Variants in PTCD1 observed in about 807,000 individuals in gnomAD.
PTCD1 encodes pentatricopeptide repeat-containing protein 1, mitochondrial.
In PTCD1, 50 loss-of-function variants were observed where a neutral mutation model predicts 53.4. The observed-to-expected ratio is 0.94, with a 90% CI of 0.75 to 1.19. PTCD1 has a LOEUF of 1.19. Among genes scored for constraint, PTCD1 ranks in the 50% most tolerant of loss-of-function variants. The pLI is 0.00. For synonymous variants in PTCD1, 413 were observed against 394.8 expected, an observed-to-expected ratio of 1.05 and a Z score of -0.55; for missense variants, 918 against 904.8, an observed-to-expected ratio of 1.01 and a Z score of -0.19.
Position 99,425,150 on chromosome 7 carries a change from G to A in PTCD1, c.1382C>T (p.Pro461Leu). Residue 461 changes from proline (P) to leucine (L), a missense_variant, in exon 6 of 8, where the codon CCA becomes CTA. By Grantham distance (98) the Pro-to-Leu change is moderately conservative (BLOSUM62 -3). Coordinates refer to ENST00000292478, the MANE Select transcript of PTCD1 (RefSeq NM_015545.4). ...TVVSFGTVTTPADRLALIGGL... is the reference protein window; with the variant it reads ...TVVSFGTVTTLADRLALIGGL... ...CCCTATCAAGGCCAGCCGGTCAGCT[G>A]GGGTGGTCACCGTTCCAAAGGAGAC... The A allele has an allele frequency of 6.2e-7, 1 of 1,614,052 alleles. No homozygotes were observed. Among genetic ancestry groups the A allele is most frequent in the South Asian group, 1.1e-5 (1 of 91,084 alleles).
At chr7:99,422,429 A>C (rs2150947086) in intron 7 of PTCD1, among the ~76,000 whole-genome samples, 1 of 152,302 alleles carries the variant, frequency 6.6e-6, no homozygotes, top group Admixed American at 6.5e-5. Context: ...CCAGAGCCTG[A>C]TAGCCTCAGA....
At chr7:99,421,410 A>G (rs1273670672) in intron 7 of PTCD1, among the ~76,000 whole-genome samples, 1 of 150,704 alleles carries the variant, frequency 6.6e-6, no homozygotes, top group South Asian at 2.1e-4. Flanking sequence ...CCTGGGCAAC[A>G]GAGTGATTCC....
intron 5 of PTCD1, among the ~76,000 whole-genome samples, chr7:99,426,254 T>A (rs1181458482): frequency 1.3e-5 from 2 of 151,918 alleles, no homozygotes; most frequent in Admixed American, 1.3e-4. Flanking sequence ...AGCTGGACTG[T>A]AACTGCTGCC....
rs1053245832 is a variant in PTCD1 at position 99,417,244 on chromosome 7, G to A, written c.*2723C>T. On this transcript the variant is annotated 3_prime_UTR_variant, in exon 8 of 8. Coordinates refer to ENST00000292478, the MANE Select transcript of PTCD1 (RefSeq NM_015545.4). ...ATTTTTGTATTTTTAGTAGAGACGGGGTTTTACCATGTTGGCCGGGCTGGT... is the reference window on the plus strand; with the variant it reads ...ATTTTTGTATTTTTAGTAGAGACGGAGTTTTACCATGTTGGCCGGGCTGGT... 9.1e-6 allele frequency: 5 copies of A among 547,696 alleles called. No individual in the cohort carries two copies. The East Asian group carries it at 1.7e-4, about 18-fold the overall frequency. The allele number at this position is 547,696 out of a possible 1,614,324, so 33.9% of individuals were successfully genotyped here. A position where few individuals can be genotyped will look rare whatever the true frequency, so the allele number is the denominator to read the frequency against.
chr7:99,423,922 A>C lies in PTCD1; in HGVS notation c.1773T>G (p.Ser591Arg). 6.2e-7 allele frequency: 1 copy of C among 1,614,032 alleles called. No homozygotes were observed. Among genetic ancestry groups the C allele is most frequent in the Non-Finnish European group, 8.5e-7 (1 of 1,180,030 alleles). ...TCCTGATGGCCGCGTTGATGAGGGC[A>C]CTGTAGATGTGAGTGTTGGGGGTCA... ...SQVTPNTHIY[S>R]ALINAAIRKL... The change falls in exon 7 of 8, where the codon AGT becomes AGG. Residue 591 changes from serine to arginine, a missense_variant. By Grantham distance (110) the Ser-to-Arg change is moderately radical (BLOSUM62 -1). Coordinates refer to ENST00000292478, the MANE Select transcript of PTCD1 (RefSeq NM_015545.4).
chr7:99,419,926 G>A lies in PTCD1; in HGVS notation c.*41C>T, dbSNP rs776875094. 13 of 1,613,008 alleles carry A rather than the reference G, an allele frequency of 8.1e-6. No homozygotes were observed. In the South Asian group the frequency reaches 1.3e-4, roughly 16 times the overall value. On this transcript the variant is annotated 3_prime_UTR_variant, in exon 8 of 8. Transcript: ENST00000292478. Reference sequence around the variant, plus strand: ...GCTCACTTGTCCTGGGGCTCCCACAGAGCACTGGGGGCCGAGCACATTGTT... The same window carrying A: ...GCTCACTTGTCCTGGGGCTCCCACAAAGCACTGGGGGCCGAGCACATTGTT...
chr7:99,419,447 G>C lies in PTCD1; in HGVS notation c.*520C>G. The C allele has an allele frequency of 1.2e-6, 2 of 1,611,246 alleles. No homozygotes were observed. Among genetic ancestry groups the C allele is most frequent in the Non-Finnish European group, 1.7e-6 (2 of 1,179,998 alleles). On this transcript the variant is annotated 3_prime_UTR_variant, in exon 8 of 8. Transcript: ENST00000292478. Reference sequence around the variant, plus strand: ...GTCGTGGCTGCTCTGGCTGAGGCTGGCGCGCTCCACCCTGGACTCTGGACT... The same window carrying C: ...GTCGTGGCTGCTCTGGCTGAGGCTGCCGCGCTCCACCCTGGACTCTGGACT...
intron 1 of PTCD1, among the ~76,000 whole-genome samples, chr7:99,436,909 G>A (rs1047528355): frequency 9.2e-5 from 14 of 152,188 alleles, no homozygotes; most frequent in Admixed American, 5.9e-4. Flanking sequence ...GCTGGAGTGC[G>A]ATGGCACAGT....
Position 99,419,279 on chromosome 7 carries a change from T to C in PTCD1, c.*688A>G, listed in dbSNP as rs1001426958. On this transcript the variant is annotated 3_prime_UTR_variant, in exon 8 of 8. Coordinates refer to ENST00000292478, the MANE Select transcript of PTCD1 (RefSeq NM_015545.4). Reference sequence around the variant, plus strand: ...CTGTCAAGGAAGGGTTTCTGAGGTGTGTCCCTATATGGCATGGTGGCAGGT... The same window carrying C: ...CTGTCAAGGAAGGGTTTCTGAGGTGCGTCCCTATATGGCATGGTGGCAGGT... 4 of 1,316,168 alleles carry C rather than the reference T, an allele frequency of 3.0e-6. No individual in the cohort carries two copies. The Admixed American group carries it at 6.9e-5, about 23-fold the overall frequency. The allele number at this position is 1,316,168 out of a possible 1,614,324, so 81.5% of individuals were successfully genotyped here.
At chr7:99,431,416 C>T (rs1485696746) in intron 3 of PTCD1, among the ~76,000 whole-genome samples, 1 of 152,140 alleles carries the variant, frequency 6.6e-6, no homozygotes, top group Non-Finnish European at 1.5e-5. Flanking sequence ...GTGTGAGCCA[C>T]CGCACCTGGC....
At chr7:99,436,927 A>T (rs1003590061) in intron 1 of PTCD1, among the ~76,000 whole-genome samples, 2 of 152,194 alleles carry the variant, frequency 1.3e-5, no homozygotes, top group Non-Finnish European at 2.9e-5. Context: ...AGTGGAGTGC[A>T]AATGCACAAT....
intron 3 of PTCD1, 116 bp downstream of exon 3, chr7:99,433,162 C>G: frequency 6.5e-7 from 1 of 1,527,550 alleles, no homozygotes; most frequent in South Asian, 1.1e-5. Context: ...GGAGATGACT[C>G]TGAGGCCAGG....
intron 3 of PTCD1, among the ~76,000 whole-genome samples, chr7:99,432,754 G>A (rs1327428700): frequency 1.3e-5 from 2 of 152,184 alleles, no homozygotes; most frequent in African/African-American, 4.8e-5. Flanking sequence ...AGGTGTGGAG[G>A]GGCTGGCCCC....
chr7:99,417,080 A>G lies in PTCD1; in HGVS notation c.*2887T>C. ...TACTGAATGCCTTTTTTTTTTTGAG[A>G]TGGAGTTTCGCTGTCACCCAGGCTG... is the stretch of plus-strand genomic sequence containing the variant. On this transcript the variant is annotated 3_prime_UTR_variant, in exon 8 of 8. Coordinates refer to ENST00000292478, the MANE Select transcript of PTCD1 (RefSeq NM_015545.4). 4.7e-6 allele frequency: 1 copy of G among 211,550 alleles called. No homozygotes were observed. The highest frequency in any genetic ancestry group is 5.7e-5 in the South Asian group (1 of 17,584). The allele number at this position is 211,550 out of a possible 1,614,324, so 13.1% of individuals were successfully genotyped here.
chr7:99,422,707 C>A (rs536599287), intron 7 of PTCD1, among the ~76,000 whole-genome samples: 6 of 152,304 alleles, frequency 3.9e-5, no homozygotes, highest in Admixed American at 6.5e-5. Flanking sequence ...AAAGGGCTAC[C>A]TGGGAGCCAG....
chr7:99,429,951 A>G, intron 3 of PTCD1, 145 bp from the exon 4 acceptor site: 1 of 1,030,830 alleles, frequency 9.7e-7, no homozygotes, highest in Non-Finnish European at 1.5e-6. Flanking sequence ...TGGACACATC[A>G]GAGCCCAGCT....
chr7:99,423,453 C>A (rs1313518760), intron 7 of PTCD1, among the ~76,000 whole-genome samples: 3 of 152,100 alleles, frequency 2.0e-5, no homozygotes, highest in Non-Finnish European at 4.4e-5. Context: ...TAAGCAGAGA[C>A]CTCCAGGAAA....
intron 1 of PTCD1, among the ~76,000 whole-genome samples, chr7:99,438,210 G>A (rs1299950671): frequency 2.0e-5 from 3 of 152,096 alleles, no homozygotes; most frequent in Non-Finnish European, 4.4e-5. Context: ...GATCGCTTTG[G>A]GCTTGGGGCC....
chr7:99,425,751 G>T, intron 5 of PTCD1, 135 bp from the exon 6 acceptor site: 1 of 1,217,660 alleles, frequency 8.2e-7, no homozygotes, highest in Non-Finnish European at 1.2e-6. Context: ...AGACAAGACC[G>T]GGCAACATAG....
Sources: gnomAD v4.1 joint callset for allele counts (sites outside exome capture counted in the v4.1 genomes callset) on GRCh38, gnomAD v4.1.1 for gene constraint, MANE v1.5 for transcripts, NCBI Gene and HGNC (gene_info 2026-07-23, HGNC 2026-07-21) for gene names.